The following PPP2R1A variants were observed in gnomAD, a reference collection of about 807,000 sequenced individuals.
The protein encoded by PPP2R1A is protein phosphatase 2 scaffold subunit Aalpha.
In PPP2R1A, 15 loss-of-function variants were observed where a neutral mutation model predicts 67.1. The ratio of observed to expected loss-of-function variants is 0.22; its 90% CI spans 0.15 to 0.34. PPP2R1A has a LOEUF of 0.34. Among genes scored for constraint, PPP2R1A ranks in the 10% least tolerant of loss-of-function variants. The pLI, the probability that PPP2R1A is intolerant of heterozygous loss-of-function variation, is 1.00. For missense variants in PPP2R1A, 369 were observed against 775.0 expected, an observed-to-expected ratio of 0.48 and a Z score of 6.22; for synonymous variants, 337 against 325.0, an observed-to-expected ratio of 1.04 and a Z score of -0.40.
At chr19:52,204,628 G>A (rs75989202) in intron 2 of PPP2R1A, among the ~76,000 whole-genome samples, 3,770 of 152,320 alleles carry the variant, frequency 0.025, 59 homozygotes, top group Middle Eastern at 0.041. Flanking sequence ...AATTGAGTCC[G>A]TGGATACGCA....
chr19:52,225,870 C>A (rs1343024545), intron 14 of PPP2R1A, 62 bp downstream of exon 14: 3 of 1,612,366 alleles, frequency 1.9e-6, no homozygotes, highest in South Asian at 1.1e-5. Context: ...GGCACTGGGC[C>A]TGTGGGCAGC....
chr19:52,213,459 T>G lies in PPP2R1A; in HGVS notation c.807+349T>G, dbSNP rs931238084. Among the ~76,000 whole-genome samples, 262 of 61,946 alleles carry G rather than the reference T, an allele frequency of 4.2e-3. No homozygotes were observed. Among genetic ancestry groups the G allele is most frequent in the Non-Finnish European group, 4.4e-3 (129 of 29,558 alleles). The allele number at this position is 61,946 out of a possible 152,430, so 40.6% of individuals were successfully genotyped here. On this transcript the variant is annotated intron_variant, in intron 6 of 14. Transcript: ENST00000322088. The surrounding 1 kb of genome is among the most constrained non-coding windows in gnomAD (Gnocchi z 4.2). ...CCAAAAAGGTGGGGTTTTTTGGTGT[T>G]TTTTTTTTTTTTTTTTTTTTTTTTT...
intron 2 of PPP2R1A, among the ~76,000 whole-genome samples, chr19:52,203,907 T>A (rs2122306027): frequency 6.6e-6 from 1 of 152,292 alleles, no homozygotes; most frequent in Middle Eastern, 3.4e-3. Flanking sequence ...TAAAGGATTT[T>A]GCAAAGGATA....
At chr19:52,199,291 C>T (rs1456409013) in intron 1 of PPP2R1A, among the ~76,000 whole-genome samples, 5 of 152,118 alleles carry the variant, frequency 3.3e-5, no homozygotes, top group Non-Finnish European at 5.9e-5. Context: ...CTCAGCCTCC[C>T]GAGTAGCTGG....
intron 13 of PPP2R1A, among the ~76,000 whole-genome samples, chr19:52,224,694 T>G (rs1407214582): frequency 6.6e-6 from 1 of 152,068 alleles, no homozygotes; most frequent in African/African-American, 2.4e-5. Flanking sequence ...GGTTGGTTTT[T>G]TGCAGTTTGT....
At chr19:52,201,329 A>G (rs536273340) in intron 1 of PPP2R1A, 7 of 152,320 alleles carry the variant, frequency 4.6e-5, no homozygotes, top group African/African-American at 1.7e-4. Context: ...TCTTTGAGAC[A>G]AAGAGTCTCA....
chr19:52,213,525 C>T lies in PPP2R1A; in HGVS notation c.807+415C>T, dbSNP rs1011645313. 2.9e-5 allele frequency among the ~76,000 whole-genome samples: 4 copies of T among 137,846 alleles called. No homozygotes were observed. Among genetic ancestry groups the T allele is most frequent in the African/African-American group, 8.4e-5 (3 of 35,808 alleles). 90.4% of individuals were successfully genotyped at this position (137,846 alleles called of 152,430 possible). On this transcript the variant is annotated intron_variant, in intron 6 of 14. Transcript: ENST00000322088. The surrounding 1 kb of genome is among the most constrained non-coding windows in gnomAD (Gnocchi z 4.2). ...GTCGCCCAGGCTAGAGTCTTGTTAC[C>T]CAGCTGGAGTGTGGTGGCGCAATCT...
intron 1 of PPP2R1A, chr19:52,201,187 T>A (rs561663435): frequency 6.6e-6 from 1 of 152,236 alleles, no homozygotes; most frequent in Non-Finnish European, 1.5e-5. Flanking sequence ...CTGCAAAGAC[T>A]GTTTTGACGT....
intron 6 of PPP2R1A, 25 bp from the exon 7 acceptor site, chr19:52,215,754 T>C: frequency 6.3e-7 from 1 of 1,595,396 alleles, no homozygotes; most frequent in Non-Finnish European, 8.6e-7. Flanking sequence ...CCTCTCACTC[T>C]CCCCCTCCTC....
Position 52,211,245 on chromosome 19 carries a change from G to C in PPP2R1A, c.271-15G>C. 6.2e-7 allele frequency: 1 copy of C among 1,610,060 alleles called. No individual in the cohort carries two copies. ...GGAGAGGGAGCTGTCCAGTGACTTTGTGTTCTCACCACAGCCACCGCTGGA... is the reference window on the plus strand; with the variant it reads ...GGAGAGGGAGCTGTCCAGTGACTTTCTGTTCTCACCACAGCCACCGCTGGA... On this transcript the variant is annotated splice_polypyrimidine_tract_variant and intron_variant, in intron 3 of 14. Transcript: ENST00000322088. The surrounding 1 kb of genome is among the most constrained non-coding windows in gnomAD (Gnocchi z 5.3).
intron 3 of PPP2R1A, among the ~76,000 whole-genome samples, chr19:52,209,634 C>T (rs2089644601): frequency 6.6e-6 from 1 of 152,154 alleles, no homozygotes; most frequent in Non-Finnish European, 1.5e-5. Context: ...TTTTTCACCT[C>T]CTCAAACTGA....
At chr19:52,190,229 G>A (rs762400702) in intron 1 of PPP2R1A, 55 bp downstream of exon 1, 15 of 1,529,404 alleles carry the variant, frequency 9.8e-6, no homozygotes, top group South Asian at 3.6e-5. Context: ...TGGGGGCACG[G>A]GCGGCCCTCG....
intron 1 of PPP2R1A, among the ~76,000 whole-genome samples, chr19:52,192,642 C>T (rs2089465238): frequency 6.6e-6 from 1 of 152,072 alleles, no homozygotes; most frequent in Non-Finnish European, 1.5e-5. Context: ...ACTCCAGGAT[C>T]ACTTCCTTCA....
In PPP2R1A at chr19:52,200,845, A is replaced by G. The variant is rs535995266; in HGVS notation, c.79-1099A>G. On this transcript the variant is annotated intron_variant, in intron 1 of 14. Transcript: ENST00000322088. ...GTCTTCCTTTCTGTCTCTTAGAAGG[A>G]CACTGTCACTGGATTCAAGGCTAAC... 4.6e-5 allele frequency among the ~76,000 whole-genome samples: 7 copies of G among 152,320 alleles called. No individual in the cohort carries two copies. In the East Asian group the frequency reaches 1.4e-3, roughly 29 times the overall value.
rs1315395253 is a variant in PPP2R1A at position 52,216,597 on chromosome 19, C to T, written c.1062C>T (p.Pro354=). 6 of 1,614,166 alleles carry T rather than the reference C, an allele frequency of 3.7e-6. No individual in the cohort carries two copies. Among genetic ancestry groups the T allele is most frequent in the Middle Eastern group, 3.3e-4 (2 of 6,062 alleles). ...ALASVIMGLS[P]ILGKDNTIEH... ...CCTCAGTCATCATGGGTCTCTCTCC[C>T]ATCTTGGGCAAAGACAACACCATCG... Residue 354 remains proline (P), a synonymous_variant, in exon 9 of 15, where the codon CCC becomes CCT. Coordinates refer to ENST00000322088, the MANE Select transcript of PPP2R1A (RefSeq NM_014225.6). The surrounding 1 kb of genome is among the most constrained non-coding windows in gnomAD (Gnocchi z 4.3).
intron 3 of PPP2R1A, among the ~76,000 whole-genome samples, chr19:52,209,682 C>T (rs930648802): frequency 6.6e-6 from 1 of 152,160 alleles, no homozygotes; most frequent in South Asian, 2.1e-4. Context: ...CCCCTTCCCT[C>T]TCCCCCAGCC....
chr19:52,215,756 C>T, intron 6 of PPP2R1A, 23 bp from the exon 7 acceptor site: 1 of 1,601,282 alleles, frequency 6.2e-7, no homozygotes, highest in Non-Finnish European at 8.6e-7. Flanking sequence ...TCTCACTCTC[C>T]CCCTCCTCCT....
At position 52,227,213 on chromosome 19, in the gene PPP2R1A, A is replaced by G. The variant is rs1053114234; in HGVS notation, c.*1232A>G. Reference sequence around the variant, plus strand: ...GAAGTGGTATATGCAGCTTCTAGGAAGTGTTCTTAAGGGGGAAGGCGTCAT... The same window carrying G: ...GAAGTGGTATATGCAGCTTCTAGGAGGTGTTCTTAAGGGGGAAGGCGTCAT... On this transcript the variant is annotated 3_prime_UTR_variant, in exon 15 of 15. Transcript: ENST00000322088. 3 of 152,158 alleles carry G rather than the reference A, an allele frequency of 2.0e-5. No homozygotes were observed. The highest frequency in any genetic ancestry group is 4.4e-5 in the Non-Finnish European group (3 of 68,016). The allele number at this position is 152,158 out of a possible 1,614,324, so 9.4% of individuals were successfully genotyped here.
Position 52,226,012 on chromosome 19 carries a change from G to A in PPP2R1A, c.*31G>A. ...GAAGAGGAGCAAACACTGGCCTCTG[G>A]TGTCCACCCTCCAACCCCCACAAGT... On this transcript the variant is annotated 3_prime_UTR_variant, in exon 15 of 15. Transcript: ENST00000322088. 4.3e-6 allele frequency: 7 copies of A among 1,614,196 alleles called. No homozygotes were observed. The highest frequency in any genetic ancestry group is 5.9e-6 in the Non-Finnish European group (7 of 1,180,026).
Sources: allele counts gnomAD v4.1 joint callset (sites outside exome capture counted in the v4.1 genomes callset), GRCh38; gene constraint gnomAD v4.1.1; non-coding constraint Gnocchi (gnomAD v3.1); transcripts MANE v1.5; gene names NCBI Gene and HGNC (gene_info 2026-07-23, HGNC 2026-07-21).